The following SHISA6 variants were observed in gnomAD, a reference collection of about 807,000 sequenced individuals.
The protein encoded by SHISA6 is shisa family member 6.
A neutral mutation model predicts 47.9 loss-of-function variants in SHISA6; 22 were observed. That is an observed-to-expected ratio of 0.46 (90% confidence interval 0.33 to 0.66). The LOEUF is 0.66. Among genes scored for constraint, SHISA6 ranks in the 30% least tolerant of loss-of-function variants. The pLI is 0.02. For synonymous variants in SHISA6, 388 were observed against 337.8 expected (o/e 1.15, Z -1.63); for missense variants, 680 against 764.6 (o/e 0.89, Z 1.30).
At chr17:11,515,264 A>G (rs971600370) in intron 3 of SHISA6, among the ~76,000 whole-genome samples, 1 of 149,910 alleles carries the variant, frequency 6.7e-6, no homozygotes, top group Non-Finnish European at 1.5e-5. Flanking sequence ...AAAAAGAAAA[A>G]AGAAAATAGA....
At chr17:11,356,723 G>A (rs546676560) in intron 2 of SHISA6, among the ~76,000 whole-genome samples, 3 of 152,246 alleles carry the variant, frequency 2.0e-5, no homozygotes, top group African/African-American at 7.2e-5. Context: ...ATAACCAGGG[G>A]CCTGTGGTAT....
At chr17:11,489,720 G>A (rs1253464865) in intron 3 of SHISA6, among the ~76,000 whole-genome samples, 2 of 152,002 alleles carry the variant, frequency 1.3e-5, no homozygotes, top group African/African-American at 2.4e-5. Context: ...TTCAACCGGG[G>A]GCCAGTTTTG....
intron 2 of SHISA6, among the ~76,000 whole-genome samples, chr17:11,310,997 C>T (rs1910311480): frequency 6.6e-6 from 1 of 150,558 alleles, no homozygotes; most frequent in African/African-American, 2.4e-5. Context: ...GTCCCAGCTA[C>T]TCAGGAGGCT....
At chr17:11,482,155 T>C (rs2142331349) in intron 3 of SHISA6, among the ~76,000 whole-genome samples, 1 of 151,706 alleles carries the variant, frequency 6.6e-6, no homozygotes, top group African/African-American at 2.4e-5. Context: ...AATTTAGAGA[T>C]ACTTGAATAG....
chr17:11,293,871 C>G (rs1909640080), intron 2 of SHISA6, among the ~76,000 whole-genome samples: 1 of 151,978 alleles, frequency 6.6e-6, no homozygotes, highest in South Asian at 2.1e-4. Context: ...TTATTAATAT[C>G]CTTGGTGTTA....
chr17:11,397,527 A>G (rs1182932835), intron 3 of SHISA6, among the ~76,000 whole-genome samples: 1 of 151,876 alleles, frequency 6.6e-6, no homozygotes, highest in Non-Finnish European at 1.5e-5. Flanking sequence ...GGGCTTGTGG[A>G]TGCATAATTC....
chr17:11,420,961 A>G (rs205044), intron 3 of SHISA6, among the ~76,000 whole-genome samples: 109,899 of 152,080 alleles, frequency 0.72, 40,179 homozygotes, highest in African/African-American at 0.83. Flanking sequence ...GTACTCAGAT[A>G]TCCATGTCAG....
chr17:11,290,899 T>C (rs915708288), intron 2 of SHISA6: 5 of 152,080 alleles, frequency 3.3e-5, no homozygotes, highest in African/African-American at 9.7e-5. Context: ...TCATCCCCCA[T>C]GCTCTTCGCC....
intron 3 of SHISA6, among the ~76,000 whole-genome samples, chr17:11,549,244 C>A (rs1208232321): frequency 6.6e-6 from 1 of 152,142 alleles, no homozygotes; most frequent in South Asian, 2.1e-4. Context: ...GGAAATACAA[C>A]AAAATGTCAC....
intron 3 of SHISA6, among the ~76,000 whole-genome samples, chr17:11,462,570 T>C (rs1915718457): frequency 6.6e-6 from 1 of 152,198 alleles, no homozygotes; most frequent in African/African-American, 2.4e-5. Context: ...CTCTACTTCC[T>C]ACCTTCCAGA....
At chr17:11,529,436 T>C (rs2071714375) in intron 3 of SHISA6, among the ~76,000 whole-genome samples, 1 of 152,144 alleles carries the variant, frequency 6.6e-6, no homozygotes, top group Non-Finnish European at 1.5e-5. Context: ...TTAGAACCAA[T>C]ATGTATTATT....
intron 2 of SHISA6, among the ~76,000 whole-genome samples, chr17:11,308,673 G>T (rs925715059): frequency 6.6e-6 from 1 of 152,146 alleles, no homozygotes; most frequent in Admixed American, 6.5e-5. Context: ...GAAACTCTGC[G>T]ATCTCACAGC....
At chr17:11,510,984 T>C (rs1166533407) in intron 3 of SHISA6, among the ~76,000 whole-genome samples, 1 of 152,192 alleles carries the variant, frequency 6.6e-6, no homozygotes, top group Non-Finnish European at 1.5e-5. Flanking sequence ...TGGCTCAGTG[T>C]TCTCTTCTGT....
At chr17:11,379,629 A>T (rs1912943073) in intron 3 of SHISA6, 120 bp downstream of exon 3, 3 of 652,508 alleles carry the variant, frequency 4.6e-6, no homozygotes, top group Non-Finnish European at 7.7e-6. Context: ...GGGTGGTTCC[A>T]TGGCAGCTTG....
At chr17:11,467,371 C>T (rs534043411) in intron 3 of SHISA6, among the ~76,000 whole-genome samples, 17 of 152,158 alleles carry the variant, frequency 1.1e-4, no homozygotes, top group Admixed American at 5.2e-4. Context: ...AAGATCACCT[C>T]TAATTTCTGT....
chr17:11,490,406 A>G (rs960338011), intron 3 of SHISA6, among the ~76,000 whole-genome samples: 2 of 152,148 alleles, frequency 1.3e-5, no homozygotes, highest in Non-Finnish European at 2.9e-5. Flanking sequence ...AGGGGACAGA[A>G]TTCTCCTGCC....
chr17:11,340,485 A>T (rs1309894140), intron 2 of SHISA6, among the ~76,000 whole-genome samples: 1 of 152,232 alleles, frequency 6.6e-6, no homozygotes, highest in Non-Finnish European at 1.5e-5. Flanking sequence ...AGGCCCAGGA[A>T]TGCCTGGTCC....
At chr17:11,498,000 G>A (rs1173724059) in intron 3 of SHISA6, among the ~76,000 whole-genome samples, 1 of 152,210 alleles carries the variant, frequency 6.6e-6, no homozygotes, top group East Asian at 1.9e-4. Flanking sequence ...CTCCCAGTAA[G>A]TGCTTAATAA....
At chr17:11,346,690 G>T (rs961100565) in intron 2 of SHISA6, among the ~76,000 whole-genome samples, 1 of 152,048 alleles carries the variant, frequency 6.6e-6, no homozygotes, top group Non-Finnish European at 1.5e-5. Context: ...ATCTTTTGTT[G>T]TCTTGAATAA....
Sources: allele counts gnomAD v4.1 joint callset (sites outside exome capture counted in the v4.1 genomes callset), GRCh38; gene constraint gnomAD v4.1.1; transcripts MANE v1.5; gene names NCBI Gene and HGNC (gene_info 2026-07-23, HGNC 2026-07-21).